Variants in C2orf49 observed in about 807,000 individuals in gnomAD.
C2orf49 encodes tRNA splicing ligase complex subunit 2, also known as tRNA-splicing ligase complex subunit ASW.
C2orf49 carries 11 observed loss-of-function variants against 20.6 expected under a neutral mutation model. The ratio of observed to expected loss-of-function variants is 0.53; its 90% CI spans 0.34 to 0.88. The LOEUF is 0.88. C2orf49 is among the 40% of genes least tolerant of loss of function. The pLI is 0.02. For synonymous variants in C2orf49, 134 were observed against 108.5 expected, an observed-to-expected ratio of 1.24 and a Z score of -1.46; for missense variants, 289 against 274.2, an observed-to-expected ratio of 1.05 and a Z score of -0.38.
chr2:105,343,148 G>A lies in C2orf49; in HGVS notation c.567G>A (p.Ser189=), dbSNP rs746030963. 2.0e-5 allele frequency: 32 copies of A among 1,613,950 alleles called. No individual in the cohort carries two copies. In the African/African-American group the frequency reaches 3.2e-4, roughly 16 times the overall value. Residue 189 remains serine, a synonymous_variant, in exon 3 of 4, where the codon TCG becomes TCA. Transcript: ENST00000258457. ...AAAGTCCTTCAGGCCCTGTGAAGTCGCCACCATTGTCCCCTGTTGGAACTA... is the reference window on the plus strand; with the variant it reads ...AAAGTCCTTCAGGCCCTGTGAAGTCACCACCATTGTCCCCTGTTGGAACTA... ...HRKSPSGPVK[S]PPLSPVGTTP...
chr2:105,373,742 C>T, the C2orf49 span: 8 of 1,613,406 alleles, frequency 5.0e-6, no homozygotes, highest in South Asian at 5.5e-5. Context: ...TCCTGTGGGG[C>T]CAGACCACAC....
chr2:105,383,077 G>A, the C2orf49 span, among the ~76,000 whole-genome samples: 3 of 152,154 alleles, frequency 2.0e-5, no homozygotes, highest in Admixed American at 6.5e-5. Context: ...GTAGAGACGG[G>A]GTTTCGCCAT....
chr2:105,365,936 G>A, the C2orf49 span, among the ~76,000 whole-genome samples: 2 of 152,178 alleles, frequency 1.3e-5, no homozygotes, highest in Non-Finnish European at 2.9e-5. Flanking sequence ...CAGGCATGGT[G>A]GCTCACGCCT....
rs758714228 is a variant in C2orf49, at chr2:105,339,866, A to G, written c.266+117A>G. The G allele has an allele frequency of 2.8e-5, 25 of 885,876 alleles. No individual in the cohort carries two copies. In the East Asian group the frequency reaches 3.1e-4, roughly 11 times the overall value. The allele number at this position is 885,876 out of a possible 1,614,324, so 54.9% of individuals were successfully genotyped here. A position where few individuals can be genotyped will look rare whatever the true frequency, so the allele number is the denominator to read the frequency against. ...AAATTTATTTACTCAATGACTATCTATTGAGCACCAGGCACTGTGCGTATA... is the reference window on the plus strand; with the variant it reads ...AAATTTATTTACTCAATGACTATCTGTTGAGCACCAGGCACTGTGCGTATA... On this transcript the variant is annotated intron_variant, in intron 2 of 3. Coordinates refer to ENST00000258457, the MANE Select transcript of C2orf49 (RefSeq NM_024093.3).
the C2orf49 span, among the ~76,000 whole-genome samples, chr2:105,365,405 A>C: frequency 2.0e-5 from 3 of 152,206 alleles, no homozygotes; most frequent in Non-Finnish European, 4.4e-5. Flanking sequence ...ACATGCACAC[A>C]AAAAGCATGC....
chr2:105,346,955 T>G lies in C2orf49; in HGVS notation c.*1584T>G, dbSNP rs1267382071. The G allele has an allele frequency of 1.3e-5, 2 of 152,232 alleles. No homozygotes were observed. The highest frequency in any genetic ancestry group is 2.9e-5 in the Non-Finnish European group (2 of 68,032). 9.4% of individuals were successfully genotyped at this position (152,232 alleles called of 1,614,324 possible). The stretch of plus-strand genomic sequence containing the variant: ...CTTCATACTTTTTTCGTTATATGAT[T>G]GATCTTCAAATTGGGATTTACCTTT... On this transcript the variant is annotated 3_prime_UTR_variant, in exon 4 of 4. Coordinates refer to ENST00000258457, the MANE Select transcript of C2orf49 (RefSeq NM_024093.3).
chr2:105,363,012 G>A, the C2orf49 span: 2 of 414,216 alleles, frequency 4.8e-6, no homozygotes, highest in Non-Finnish European at 8.8e-6. Context: ...ACAGACTGCA[G>A]TTTTAGCGAT....
the C2orf49 span, among the ~76,000 whole-genome samples, chr2:105,369,961 G>A: frequency 6.6e-6 from 1 of 152,244 alleles, no homozygotes; most frequent in Non-Finnish European, 1.5e-5. Flanking sequence ...ATGGTCATAT[G>A]CAGCAATACC....
the C2orf49 span, among the ~76,000 whole-genome samples, chr2:105,380,520 C>T: frequency 3.2e-3 from 491 of 152,294 alleles, 3 homozygotes; most frequent in East Asian, 0.033. Context: ...TGAGCCACCA[C>T]GCCCGGCTCA....
chr2:105,369,258 ACAGGTGG>A, the C2orf49 span, among the ~76,000 whole-genome samples: 1 of 152,246 alleles, frequency 6.6e-6, no homozygotes, highest in Non-Finnish European at 1.5e-5. Flanking sequence ...CTGCAGTAAC[ACAGGTGG>A]CTTATAGGAG....
chr2:105,345,509 G>C lies in C2orf49; in HGVS notation c.*138G>C. The C allele has an allele frequency of 4.2e-6, 3 of 707,796 alleles. No homozygotes were observed. Among genetic ancestry groups the C allele is most frequent in the Non-Finnish European group, 7.0e-6 (3 of 428,132 alleles). 43.8% of individuals were successfully genotyped at this position (707,796 alleles called of 1,614,324 possible). Reference sequence around the variant, plus strand: ...TTCAAATAGGTTTAAAAAAATAAAGGATTTATTTTCCTTCCCTTCTTCCCT... The same window carrying C: ...TTCAAATAGGTTTAAAAAAATAAAGCATTTATTTTCCTTCCCTTCTTCCCT... On this transcript the variant is annotated 3_prime_UTR_variant, in exon 4 of 4. Coordinates refer to ENST00000258457, the MANE Select transcript of C2orf49 (RefSeq NM_024093.3).
the C2orf49 span, among the ~76,000 whole-genome samples, chr2:105,385,373 A>G: frequency 6.6e-6 from 1 of 152,254 alleles, no homozygotes; most frequent in African/African-American, 2.4e-5. Flanking sequence ...AGAATGATCC[A>G]ACTGCATGCA....
At chr2:105,374,957 G>A in the C2orf49 span, among the ~76,000 whole-genome samples, 3 of 152,170 alleles carry the variant, frequency 2.0e-5, no homozygotes, top group Non-Finnish European at 2.9e-5. Flanking sequence ...CTGTTCACGC[G>A]ATGGCCCTGA....
the C2orf49 span, chr2:105,367,559 A>G: frequency 6.2e-7 from 1 of 1,607,196 alleles, no homozygotes; most frequent in South Asian, 1.1e-5. Context: ...CCAAGGGGGC[A>G]TCTGAGATAC....
the C2orf49 span, among the ~76,000 whole-genome samples, chr2:105,365,185 T>C: frequency 1.3e-5 from 2 of 152,164 alleles, no homozygotes; most frequent in Non-Finnish European, 2.9e-5. Context: ...CTCAGATTAG[T>C]TGAGGTCCCT....
chr2:105,337,678 C>A lies in C2orf49; in HGVS notation c.91C>A (p.Leu31Met), dbSNP rs747154387. ...LLSQEFLLLT[L>M]EQKNIAVETD... The stretch of plus-strand genomic sequence containing the variant: ...GTCCCAGGAGTTCCTTCTCCTCACT[C>A]TGGAGCAGGTTGGGCGCGCCGGATC... The change falls in exon 1 of 4, where the codon CTG (leucine) becomes ATG (methionine). Residue 31 changes from leucine (L) to methionine (M), a missense_variant. Coordinates refer to ENST00000258457, the MANE Select transcript of C2orf49 (RefSeq NM_024093.3). 40 of 907,222 alleles carry A rather than the reference C, an allele frequency of 4.4e-5. No homozygotes were observed. In the South Asian group the frequency reaches 9.4e-4, roughly 21 times the overall value. The allele number at this position is 907,222 out of a possible 1,614,324, so 56.2% of individuals were successfully genotyped here.
At chr2:105,361,189 C>G in the C2orf49 span, 3 of 1,329,890 alleles carry the variant, frequency 2.3e-6, no homozygotes, top group Non-Finnish European at 3.1e-6. Flanking sequence ...CTCAATGTGG[C>G]TGGAAGAAAC....
chr2:105,380,460 C>A, the C2orf49 span, among the ~76,000 whole-genome samples: 1 of 152,094 alleles, frequency 6.6e-6, no homozygotes, highest in Non-Finnish European at 1.5e-5. Flanking sequence ...AACTCTTGGC[C>A]TTAAGTGATC....
chr2:105,382,896 A>AT, the C2orf49 span, among the ~76,000 whole-genome samples: 141 of 151,858 alleles, frequency 9.3e-4, no homozygotes, highest in Non-Finnish European at 1.7e-3. Flanking sequence ...TTTTATTTTT[A>AT]TTTTTTTAAG....
Sources: allele counts gnomAD v4.1 joint callset (sites outside exome capture counted in the v4.1 genomes callset), GRCh38; gene constraint gnomAD v4.1.1; transcripts MANE v1.5; gene names NCBI Gene and HGNC (gene_info 2026-07-23, HGNC 2026-07-21).